The following ULK4 variants were observed in gnomAD, a reference collection of about 807,000 sequenced individuals.
ULK4 encodes unc-51 like kinase 4.
In ULK4, 133 loss-of-function variants were observed where a neutral mutation model predicts 160.6. The ratio of observed to expected loss-of-function variants is 0.83; its 90% CI spans 0.72 to 0.96. The LOEUF (loss-of-function observed/expected upper bound fraction) is 0.96, where lower values mean the gene tolerates loss of function less well. Among genes scored for constraint, ULK4 ranks in the 40% least tolerant of loss-of-function variants. The probability of loss-of-function intolerance (pLI) is 0.00; values close to 1 mark genes in which losing one functional copy is unlikely to be tolerated. For synonymous variants in ULK4, 534 were observed against 539.8 expected (o/e 0.99, Z 0.15); for missense variants, 1,580 against 1,499.5 (o/e 1.05, Z -0.89).
At chr3:41,850,254 T>C (rs865816268) in intron 17 of ULK4, among the ~76,000 whole-genome samples, 2 of 152,242 alleles carry the variant, frequency 1.3e-5, no homozygotes, top group Non-Finnish European at 2.9e-5. Flanking sequence ...CTATTGTGAA[T>C]AGTGCTGCAA....
intron 35 of ULK4, among the ~76,000 whole-genome samples, chr3:41,340,152 C>T (rs1022998401): frequency 1.3e-5 from 2 of 152,202 alleles, no homozygotes; most frequent in Non-Finnish European, 2.9e-5. Context: ...ATTATTTCTA[C>T]TGTGTAAAAA....
At chr3:41,481,593 C>T (rs572879659) in intron 32 of ULK4, among the ~76,000 whole-genome samples, 4 of 151,898 alleles carry the variant, frequency 2.6e-5, no homozygotes, top group African/African-American at 4.8e-5. Flanking sequence ...TTTGGGAGGC[C>T]GAGGCGGGCG....
intron 29 of ULK4, among the ~76,000 whole-genome samples, chr3:41,676,733 TA>T (rs1266884278): frequency 6.6e-6 from 1 of 152,060 alleles, no homozygotes; most frequent in African/African-American, 2.4e-5. Flanking sequence ...TAGTATCAGG[TA>T]AGTAAATGGG....
At chr3:41,502,168 A>G (rs2125916813) in intron 32 of ULK4, among the ~76,000 whole-genome samples, 1 of 152,346 alleles carries the variant, frequency 6.6e-6, no homozygotes, top group Middle Eastern at 3.4e-3. Context: ...GGGAATGCAA[A>G]TGTATCTTTT....
intron 1 of ULK4, among the ~76,000 whole-genome samples, chr3:41,960,385 C>T (rs1700627748): frequency 6.8e-6 from 1 of 147,120 alleles, no homozygotes; most frequent in East Asian, 2.0e-4. Flanking sequence ...TTTTTTTGGA[C>T]AGGGTCTCAC....
intron 30 of ULK4, among the ~76,000 whole-genome samples, chr3:41,634,412 T>G (rs2033870228): frequency 6.6e-6 from 1 of 152,184 alleles, no homozygotes; most frequent in South Asian, 2.1e-4. Flanking sequence ...TGAAAGAGTT[T>G]TATTTACAAA....
intron 22 of ULK4, among the ~76,000 whole-genome samples, chr3:41,729,616 C>T (rs2037761169): frequency 6.6e-6 from 1 of 152,190 alleles, no homozygotes; most frequent in Admixed American, 6.5e-5. Context: ...TCATCAAGTT[C>T]CATTCCCTCT....
At chr3:41,942,233 T>C (rs887048266) in intron 2 of ULK4, among the ~76,000 whole-genome samples, 11 of 152,212 alleles carry the variant, frequency 7.2e-5, no homozygotes, top group African/African-American at 2.7e-4. Context: ...TAATAGTTTT[T>C]ACCAGCCAGG....
At chr3:41,911,771 A>C in intron 9 of ULK4, 112 bp from the exon 10 acceptor site, 1 of 785,290 alleles carries the variant, frequency 1.3e-6, no homozygotes, top group Non-Finnish European at 2.1e-6. Context: ...ACATTTAGCA[A>C]AGTTACAGAA....
chr3:41,782,296 C>T (rs972445613), intron 21 of ULK4, among the ~76,000 whole-genome samples: 1 of 151,880 alleles, frequency 6.6e-6, no homozygotes, highest in African/African-American at 2.4e-5. Flanking sequence ...CTGTTCTTGT[C>T]CTGTTTAGAT....
intron 32 of ULK4, among the ~76,000 whole-genome samples, chr3:41,513,814 G>T (rs1245290493): frequency 1.3e-5 from 2 of 152,168 alleles, no homozygotes; most frequent in Admixed American, 1.3e-4. Flanking sequence ...AGACTCGGGA[G>T]AACAGGTGGG....
At chr3:41,358,977 C>T (rs891093977) in intron 35 of ULK4, among the ~76,000 whole-genome samples, 2 of 152,102 alleles carry the variant, frequency 1.3e-5, no homozygotes, top group African/African-American at 2.4e-5. Flanking sequence ...TCTTCACATA[C>T]GTTGAAAGTA....
chr3:41,475,524 A>C (rs777368394), intron 32 of ULK4, among the ~76,000 whole-genome samples: 13 of 152,236 alleles, frequency 8.5e-5, no homozygotes, highest in Non-Finnish European at 1.6e-4. Flanking sequence ...GAGATCATGA[A>C]CATTTTAACT....
intron 36 of ULK4, among the ~76,000 whole-genome samples, chr3:41,247,447 A>G (rs1347962519): frequency 6.6e-6 from 1 of 152,198 alleles, no homozygotes; most frequent in African/African-American, 2.4e-5. Flanking sequence ...AGAGCTTAAA[A>G]CGGGAACTTT....
At chr3:41,520,877 C>G (rs2085908926) in intron 32 of ULK4, among the ~76,000 whole-genome samples, 1 of 152,182 alleles carries the variant, frequency 6.6e-6, no homozygotes, top group South Asian at 2.1e-4. Flanking sequence ...AATGTCTATT[C>G]AAGATCTTCA....
At chr3:41,555,652 A>C (rs899744312) in intron 32 of ULK4, among the ~76,000 whole-genome samples, 2 of 152,262 alleles carry the variant, frequency 1.3e-5, no homozygotes, top group Non-Finnish European at 2.9e-5. Flanking sequence ...CATTTGACCC[A>C]GCAATCCCAT....
At chr3:41,729,988 A>T (rs1388997208) in intron 22 of ULK4, among the ~76,000 whole-genome samples, 1 of 152,244 alleles carries the variant, frequency 6.6e-6, no homozygotes, top group Non-Finnish European at 1.5e-5. Context: ...AAAATCAGTA[A>T]CAGGAGAAAC....
chr3:41,720,463 A>T (rs2037411195), intron 22 of ULK4, among the ~76,000 whole-genome samples: 5 of 152,162 alleles, frequency 3.3e-5, no homozygotes, highest in Admixed American at 3.3e-4. Flanking sequence ...CAGAAGCAAA[A>T]AGACCAACTG....
At chr3:41,448,265 G>C (rs191272340) in intron 34 of ULK4, among the ~76,000 whole-genome samples, 92 of 152,166 alleles carry the variant, frequency 6.0e-4, no homozygotes, top group African/African-American at 2.1e-3. Flanking sequence ...TCTGAGGCAC[G>C]CTAAACCAGT....
Sources: gnomAD v4.1 joint callset for allele counts (sites outside exome capture counted in the v4.1 genomes callset) on GRCh38, gnomAD v4.1.1 for gene constraint, MANE v1.5 for transcripts, NCBI Gene and HGNC (gene_info 2026-07-23, HGNC 2026-07-21) for gene names.